Variants in EML6 observed in about 807,000 individuals in gnomAD.
The protein encoded by EML6 is EMAP like 6.
A neutral mutation model predicts 240.1 loss-of-function variants in EML6; 154 were observed. The observed-to-expected ratio is 0.64, with a 90% CI of 0.56 to 0.73. The LOEUF (loss-of-function observed/expected upper bound fraction) is 0.73, where lower values mean the gene tolerates loss of function less well. Ranked by LOEUF, EML6 falls within the 30% of genes least tolerant of loss-of-function variation. The pLI, the probability that EML6 is intolerant of heterozygous loss-of-function variation, is 0.00. For synonymous variants in EML6, 1,148 were observed against 899.0 expected, an observed-to-expected ratio of 1.28 and a Z score of -4.95; for missense variants, 2,964 against 2,474.6, an observed-to-expected ratio of 1.20 and a Z score of -4.20.
intron 16 of EML6, among the ~76,000 whole-genome samples, chr2:54,876,699 ATC>A (rs1558639918): frequency 1.3e-5 from 2 of 152,230 alleles, no homozygotes; most frequent in Admixed American, 6.5e-5. Context: ...TTCTTTAAAA[ATC>A]TGTTTATAAT....
intron 2 of EML6, among the ~76,000 whole-genome samples, chr2:54,798,418 C>T (rs1472134204): frequency 2.0e-5 from 3 of 152,122 alleles, no homozygotes; most frequent in Admixed American, 6.5e-5. Context: ...TGTGATCTGC[C>T]GGCCTCAGCC....
chr2:54,796,695 G>C (rs930658672), intron 2 of EML6, among the ~76,000 whole-genome samples: 2 of 152,084 alleles, frequency 1.3e-5, no homozygotes, highest in East Asian at 1.9e-4. Flanking sequence ...AAGCATACTA[G>C]GCATCCAGAA....
At chr2:54,854,813 T>C (rs1311361150) in intron 11 of EML6, among the ~76,000 whole-genome samples, 1 of 152,256 alleles carries the variant, frequency 6.6e-6, no homozygotes, top group African/African-American at 2.4e-5. Context: ...CATGCCCAAT[T>C]CATACTCTTC....
rs949474931 is a variant in EML6, at chr2:54,900,848, C to G, written c.3124+1066C>G. Among the ~76,000 whole-genome samples the G allele has an allele frequency of 2.0e-5, 3 of 152,058 alleles. No individual in the cohort carries two copies. In the East Asian group the frequency reaches 5.8e-4, roughly 29 times the overall value. ...ACTAAAGATATTTGGCACAAAGTAC[C>G]CTGGAGCCTCAGAGGACATCTACTG... On this transcript the variant is annotated intron_variant, in intron 22 of 41. Transcript: ENST00000356458.
At chr2:54,831,059 C>A (rs979139917) in intron 7 of EML6, among the ~76,000 whole-genome samples, 1 of 152,172 alleles carries the variant, frequency 6.6e-6, no homozygotes, top group East Asian at 1.9e-4. Flanking sequence ...TTGCAAGTAC[C>A]CGTAAGAGCA....
chr2:54,917,341 C>T (rs1573137794), intron 26 of EML6, among the ~76,000 whole-genome samples: 2 of 145,986 alleles, frequency 1.4e-5, no homozygotes, highest in South Asian at 2.2e-4. Flanking sequence ...GAATTCTCTT[C>T]TTCCCTTTTT....
At chr2:54,872,314 C>G (rs1362220913) in intron 16 of EML6, among the ~76,000 whole-genome samples, 2 of 152,124 alleles carry the variant, frequency 1.3e-5, no homozygotes, top group African/African-American at 4.8e-5. Flanking sequence ...AAAAAGAATT[C>G]TAAACTTTGT....
intron 17 of EML6, among the ~76,000 whole-genome samples, chr2:54,888,236 C>A: frequency 6.6e-6 from 1 of 152,104 alleles, no homozygotes; most frequent in Non-Finnish European, 1.5e-5. Context: ...GGCCGGGAGA[C>A]ATGATAGGAC....
At chr2:54,778,865 C>A (rs568517461) in intron 2 of EML6, among the ~76,000 whole-genome samples, 1 of 132,598 alleles carries the variant, frequency 7.5e-6, no homozygotes, top group Non-Finnish European at 1.5e-5. Flanking sequence ...GCATTCCAGC[C>A]TGGGTGACAG....
chr2:54,743,740 G>T (rs536472357), intron 2 of EML6, among the ~76,000 whole-genome samples: 2 of 152,032 alleles, frequency 1.3e-5, no homozygotes, highest in African/African-American at 4.8e-5. Flanking sequence ...AGGAATATTT[G>T]TTTTTTTATA....
chr2:54,786,721 G>C (rs1428077518), intron 2 of EML6, among the ~76,000 whole-genome samples: 1 of 152,202 alleles, frequency 6.6e-6, no homozygotes, highest in African/African-American at 2.4e-5. Context: ...ATAATTCCCA[G>C]ATGCTCGAGT....
chr2:54,858,447 T>C (rs1240244330), intron 11 of EML6, among the ~76,000 whole-genome samples: 1 of 152,210 alleles, frequency 6.6e-6, no homozygotes. Context: ...CACTTTAAGA[T>C]CTAAAGAGAG....
intron 15 of EML6, among the ~76,000 whole-genome samples, 161 bp from the exon 16 acceptor site, chr2:54,871,339 C>T (rs1671245761): frequency 6.6e-6 from 1 of 152,214 alleles, no homozygotes; most frequent in Non-Finnish European, 1.5e-5. Flanking sequence ...CCTCAGTTTC[C>T]TCATCTCAAA....
At chr2:54,840,324 G>A (rs1669376742) in intron 7 of EML6, among the ~76,000 whole-genome samples, 1 of 152,190 alleles carries the variant, frequency 6.6e-6, no homozygotes, top group Non-Finnish European at 1.5e-5. Context: ...AAAGGACTAT[G>A]ATCTGAATAT....
intron 2 of EML6, among the ~76,000 whole-genome samples, chr2:54,754,970 A>T (rs1293994859): frequency 1.3e-5 from 2 of 152,232 alleles, no homozygotes; most frequent in African/African-American, 4.8e-5. Flanking sequence ...AGTTAGTCAC[A>T]TGTAGCTAGT....
intron 2 of EML6, among the ~76,000 whole-genome samples, chr2:54,772,732 G>C (rs1164789889): frequency 6.6e-6 from 1 of 152,238 alleles, no homozygotes; most frequent in Non-Finnish European, 1.5e-5. Flanking sequence ...GTAAGTGGCA[G>C]AGCTGGGCTT....
At chr2:54,906,673 G>C (rs1416893951) in intron 24 of EML6, among the ~76,000 whole-genome samples, 1 of 152,156 alleles carries the variant, frequency 6.6e-6, no homozygotes, top group Non-Finnish European at 1.5e-5. Context: ...CTGATTTTTA[G>C]GGAGGAATTA....
chr2:54,847,597 C>T lies in EML6; in HGVS notation c.1161C>T (p.Asp387=), dbSNP rs553753088. The T allele has an allele frequency of 3.5e-5, 54 of 1,552,244 alleles. No individual in the cohort carries two copies. The African/African-American group carries it at 3.8e-4, about 11-fold the overall frequency. ...CTCAGCTGGCCCTGGGCATGAAGGA[C>T]GGCTCTTTCATTGTTCTCCGAGTCA... ...DGSQLALGMK[D]GSFIVLRVRD... is the part of the protein sequence containing the mutation. The change falls in exon 9 of 42, where the codon GAC becomes GAT. Residue 387 remains aspartate (D), a synonymous_variant. Transcript: ENST00000356458.
At chr2:54,811,561 G>T (rs1040987257) in intron 2 of EML6, among the ~76,000 whole-genome samples, 6 of 151,570 alleles carry the variant, frequency 4.0e-5, no homozygotes, top group African/African-American at 1.4e-4. Flanking sequence ...CTGAAAGTGG[G>T]CTCCTTCAAA....
Sources: gnomAD v4.1 joint callset for allele counts (sites outside exome capture counted in the v4.1 genomes callset) on GRCh38, gnomAD v4.1.1 for gene constraint, MANE v1.5 for transcripts, NCBI Gene and HGNC (gene_info 2026-07-23, HGNC 2026-07-21) for gene names.